RNASEH2B: variants seen among roughly 807,000 people sequenced by gnomAD.
RNASEH2B encodes Aicardi-Goutieres syndrome 2 protein.
In RNASEH2B, 36 loss-of-function variants were observed where a neutral mutation model predicts 45.0. The observed-to-expected ratio is 0.80, with a 90% confidence interval of 0.61 to 1.06. The LOEUF (loss-of-function observed/expected upper bound fraction) is 1.06, where lower values mean the gene tolerates loss of function less well. RNASEH2B is among the 50% of genes least tolerant of loss of function. The pLI is 0.00. For synonymous variants in RNASEH2B, 119 were observed against 125.7 expected (o/e 0.95, Z 0.35); for missense variants, 361 against 360.3 (o/e 1.00, Z -0.02).
rs759273327 is a variant in RNASEH2B, at chr13:50,934,923, C to T, written c.360C>T (p.Asn120=). The T allele has an allele frequency of 1.8e-5, 29 of 1,613,732 alleles. No individual in the cohort carries two copies. Among genetic ancestry groups the T allele is most frequent in the Middle Eastern group, 3.3e-4 (2 of 6,080 alleles). The change falls in exon 5 of 11, where the codon AAC becomes AAT. Residue 120 remains asparagine, a synonymous_variant. Coordinates refer to ENST00000336617, the MANE Select transcript of RNASEH2B (RefSeq NM_024570.4). The stretch of plus-strand genomic sequence containing the variant: ...CCCTTGATCAAGTTGTGGTGGATAA[C>T]GTGTTTCCAAATTGCATCTTGTTGC... ...FQPLDQVVVD[N]VFPNCILLLK... is the part of the protein sequence containing the mutation.
intron 10 of RNASEH2B, chr13:50,954,590 C>A (rs2138022174): frequency 6.6e-6 from 1 of 152,596 alleles, no homozygotes; most frequent in South Asian, 2.1e-4. Context: ...TTAATCATTT[C>A]CCTATATTTG....
Position 50,935,009 on chromosome 13 carries a change from A to C in RNASEH2B, c.436+10A>C, listed in dbSNP as rs2137952956. On this transcript the variant is annotated intron_variant, in intron 5 of 10. Coordinates refer to ENST00000336617, the MANE Select transcript of RNASEH2B (RefSeq NM_024570.4). ...GTGACAGAGGAAAAAGGTATGGTAT[A>C]ACTTAAAGGCTTATGGCTGGTAGAA... is the stretch of plus-strand genomic sequence containing the variant. 3 of 1,555,332 alleles carry C rather than the reference A, an allele frequency of 1.9e-6. No individual in the cohort carries two copies. The highest frequency in any genetic ancestry group is 2.7e-6 in the Non-Finnish European group (3 of 1,126,676).
At chr13:50,945,659 C>T (rs1209111903) in intron 7 of RNASEH2B, 127 bp downstream of exon 7, 2 of 698,874 alleles carry the variant, frequency 2.9e-6, no homozygotes, top group African/African-American at 3.5e-5. Flanking sequence ...GCCTCATACA[C>T]ATTGTGGCAG....
At chr13:50,912,936 A>G (rs1178037486) in intron 1 of RNASEH2B, 2 of 152,224 alleles carry the variant, frequency 1.3e-5, no homozygotes, top group African/African-American at 4.8e-5. Context: ...CTGCCACAGC[A>G]CTGTGTTATA....
intron 6 of RNASEH2B, among the ~76,000 whole-genome samples, chr13:50,944,878 A>G (rs115660079): frequency 0.023 from 3,483 of 152,302 alleles, 62 homozygotes; most frequent in African/African-American, 0.044. Context: ...GCTCTTAGCC[A>G]AGGAAAATGA....
At chr13:50,947,574 A>G (rs1951919214) in intron 7 of RNASEH2B, among the ~76,000 whole-genome samples, 1 of 129,628 alleles carries the variant, frequency 7.7e-6, no homozygotes, top group Admixed American at 9.4e-5. Flanking sequence ...AATTAGATTT[A>G]TTCTTTATTG....
intron 8 of RNASEH2B, 81 bp from the exon 9 acceptor site, chr13:50,949,382 T>C (rs750822574): frequency 4.0e-6 from 5 of 1,246,572 alleles, no homozygotes; most frequent in Non-Finnish European, 5.9e-6. Context: ...TAGGACTTAC[T>C]AAGTCTTAAG....
At chr13:50,949,251 C>T in intron 8 of RNASEH2B, 1 of 554,746 alleles carries the variant, frequency 1.8e-6, no homozygotes, top group Non-Finnish European at 3.2e-6. Flanking sequence ...TTAGTTCAGA[C>T]AACACCAAAA....
chr13:50,964,432 C>T (rs1952144791), intron 9 of RNASEH2B, among the ~76,000 whole-genome samples: 1 of 152,114 alleles, frequency 6.6e-6, no homozygotes. Context: ...CATATAATAA[C>T]TCATTTAATC....
intron 4 of RNASEH2B, chr13:50,933,808 G>C (rs1246372717): frequency 1.3e-5 from 2 of 152,124 alleles, no homozygotes; most frequent in Non-Finnish European, 2.9e-5. Context: ...GAAGACTATA[G>C]ATTTAAGGTA....
chr13:50,938,799 A>G (rs1034923758), intron 5 of RNASEH2B: 6 of 152,248 alleles, frequency 3.9e-5, no homozygotes, highest in African/African-American at 9.6e-5. Context: ...TGGTACCAGT[A>G]CATGGCTTAG....
chr13:50,943,537 GAGA>G, intron 6 of RNASEH2B, 143 bp downstream of exon 6: 1 of 685,384 alleles, frequency 1.5e-6, no homozygotes. Context: ...TACCAAGTAT[GAGA>G]AGAAGGCTTT....
At chr13:50,940,013 C>T (rs577748048) in intron 5 of RNASEH2B, among the ~76,000 whole-genome samples, 5 of 152,262 alleles carry the variant, frequency 3.3e-5, no homozygotes, top group East Asian at 1.9e-4. Flanking sequence ...TGGCTGTCCA[C>T]GGCTTAAAAT....
At chr13:50,966,475 A>G (rs78945414) in intron 9 of RNASEH2B, among the ~76,000 whole-genome samples, 1,542 of 152,336 alleles carry the variant, frequency 0.01, 26 homozygotes, top group African/African-American at 0.034. Context: ...CCACTTGGGT[A>G]CATAGACAAA....
At chr13:50,950,319 G>A (rs1951960134) in intron 9 of RNASEH2B, 1 of 152,192 alleles carries the variant, frequency 6.6e-6, no homozygotes, top group Non-Finnish European at 1.5e-5. Context: ...GGCCTTCAAG[G>A]TAGCTAAAAT....
intron 5 of RNASEH2B, chr13:50,941,050 T>C (rs900583562): frequency 6.6e-6 from 1 of 152,232 alleles, no homozygotes; most frequent in Non-Finnish European, 1.5e-5. Context: ...TATTAATTGA[T>C]TCTGAGATTC....
chr13:50,955,822 C>T (rs1952039877), intron 10 of RNASEH2B: 1 of 156,048 alleles, frequency 6.4e-6, no homozygotes, highest in Non-Finnish European at 1.4e-5. Context: ...TATTTGGAGT[C>T]AGCTTTTTGG....
At chr13:50,928,723 G>A (rs1292861868) in intron 2 of RNASEH2B, among the ~76,000 whole-genome samples, 1 of 151,946 alleles carries the variant, frequency 6.6e-6, no homozygotes, top group Admixed American at 6.6e-5. Flanking sequence ...GTTCAGTATT[G>A]TCTCCATTTT....
chr13:50,968,030 A>C (rs191124914), intron 9 of RNASEH2B, among the ~76,000 whole-genome samples: 2 of 152,314 alleles, frequency 1.3e-5, no homozygotes, highest in Non-Finnish European at 2.9e-5. Flanking sequence ...TGAGGTTTAT[A>C]TATTCCTCAG....
Sources: allele counts gnomAD v4.1 joint callset (sites outside exome capture counted in the v4.1 genomes callset), GRCh38; gene constraint gnomAD v4.1.1; transcripts MANE v1.5; gene names NCBI Gene and HGNC (gene_info 2026-07-23, HGNC 2026-07-21).